EYA2: variants seen among roughly 807,000 people sequenced by gnomAD.
EYA2 encodes the protein EYA transcriptional coactivator and phosphatase 2.
Under a neutral mutation model 69.2 loss-of-function variants are expected in EYA2, and 31 were observed. The observed-to-expected ratio is 0.45, with a 90% CI of 0.34 to 0.60. The LOEUF is 0.60. Ranked by LOEUF, EYA2 falls within the 20% of genes least tolerant of loss-of-function variation. The pLI, the probability that EYA2 is intolerant of heterozygous loss-of-function variation, is 0.02. For missense variants in EYA2, 622 were observed against 701.2 expected (o/e 0.89, Z 1.28); for synonymous variants, 257 against 279.4 (o/e 0.92, Z 0.80).
chr20:47,186,299 T>C (rs902921409), intron 15 of EYA2, among the ~76,000 whole-genome samples: 4 of 151,598 alleles, frequency 2.6e-5, no homozygotes, highest in Non-Finnish European at 4.4e-5. Context: ...GGATTCTCAA[T>C]CTGGGATGCC....
intron 5 of EYA2, among the ~76,000 whole-genome samples, chr20:47,039,702 G>C (rs540334455): frequency 6.6e-6 from 1 of 152,086 alleles, no homozygotes; most frequent in Non-Finnish European, 1.5e-5. Flanking sequence ...AGTGATAAAA[G>C]ACACAGATTG....
Position 47,183,274 on chromosome 20 carries a change from T to C in EYA2, c.1436-17T>C. The C allele has an allele frequency of 6.2e-7, 1 of 1,612,578 alleles. No homozygotes were observed. Among genetic ancestry groups the C allele is most frequent in the Non-Finnish European group, 8.5e-7 (1 of 1,179,486 alleles). On this transcript the variant is annotated splice_polypyrimidine_tract_variant and intron_variant, in intron 14 of 15. Coordinates refer to ENST00000327619, the MANE Select transcript of EYA2 (RefSeq NM_005244.5). ...TCCTCACAGAGCGTTTTTTCTTTCCTTCCTGTGTGCGTGCAGGGAAGGAGA... is the reference window on the plus strand; with the variant it reads ...TCCTCACAGAGCGTTTTTTCTTTCCCTCCTGTGTGCGTGCAGGGAAGGAGA...
In EYA2 at chr20:47,112,862, C is replaced by CTTTTTTTTTTTTTTTT; in HGVS notation, c.888+15706_888+15721dup. On this transcript the variant is annotated intron_variant, in intron 9 of 15. Transcript: ENST00000327619. ...CAAAAGTTAGATTTCATGTTCACTC[C>CTTTTTTTTTTTTTTTT]TTTTTTTTTTTTTTTTTTTTTTTTT... 2.8e-3 allele frequency among the ~76,000 whole-genome samples: 159 copies of CTTTTTTTTTTTTTTTT among 55,834 alleles called. 46 individuals are homozygous for CTTTTTTTTTTTTTTTT. The highest frequency in any genetic ancestry group is 4.3e-3 in the Non-Finnish European group (121 of 28,318). The allele number at this position is 55,834 out of a possible 152,430, so 36.6% of individuals were successfully genotyped here. A position where few individuals can be genotyped will look rare whatever the true frequency, so the allele number is the denominator to read the frequency against.
intron 12 of EYA2, among the ~76,000 whole-genome samples, chr20:47,178,521 CAGG>C (rs2034467987): frequency 6.6e-6 from 1 of 151,850 alleles, no homozygotes; most frequent in Non-Finnish European, 1.5e-5. Flanking sequence ...AAGACAGCGG[CAGG>C]AGATGAAACT....
intron 11 of EYA2, among the ~76,000 whole-genome samples, 197 bp from the exon 12 acceptor site, chr20:47,172,510 C>T (rs763225900): frequency 1.3e-5 from 2 of 152,154 alleles, no homozygotes; most frequent in Non-Finnish European, 2.9e-5. Context: ...GCAAAAGACA[C>T]CACTTTTCTT....
intron 9 of EYA2, among the ~76,000 whole-genome samples, chr20:47,140,498 T>C (rs1328991407): frequency 2.0e-5 from 3 of 152,134 alleles, no homozygotes; most frequent in Non-Finnish European, 4.4e-5. Context: ...ATAATAGAAA[T>C]AATATAGCCT....
At chr20:46,961,931 T>A (rs1979499400) in intron 1 of EYA2, among the ~76,000 whole-genome samples, 3 of 152,240 alleles carry the variant, frequency 2.0e-5, no homozygotes, top group Admixed American at 2.0e-4. Context: ...AGAGGAGGAA[T>A]AAGTTCCAGT....
intron 12 of EYA2, among the ~76,000 whole-genome samples, chr20:47,178,519 G>A (rs571676140): frequency 6.6e-6 from 1 of 152,036 alleles, no homozygotes; most frequent in East Asian, 1.9e-4. Context: ...GAAAGACAGC[G>A]GCAGGAGATG....
At chr20:47,087,825 A>G (rs1455053693) in intron 7 of EYA2, among the ~76,000 whole-genome samples, 1 of 152,206 alleles carries the variant, frequency 6.6e-6, no homozygotes, top group Admixed American at 6.5e-5. Flanking sequence ...AACTCCATTC[A>G]AGTCACCTCC....
intron 1 of EYA2, among the ~76,000 whole-genome samples, chr20:46,941,231 C>G (rs1213153448): frequency 6.6e-6 from 1 of 152,236 alleles, no homozygotes; most frequent in African/African-American, 2.4e-5. Flanking sequence ...GCCATGCACC[C>G]TATCACATCT....
chr20:46,974,438 A>G (rs949574878), intron 1 of EYA2, among the ~76,000 whole-genome samples: 21 of 152,206 alleles, frequency 1.4e-4, no homozygotes, highest in African/African-American at 4.8e-4. Flanking sequence ...GGTCATTGCA[A>G]TGGGCTATGG....
At chr20:47,137,483 G>T (rs1384875360) in intron 9 of EYA2, among the ~76,000 whole-genome samples, 1 of 152,158 alleles carries the variant, frequency 6.6e-6, no homozygotes, top group Non-Finnish European at 1.5e-5. Context: ...GGACTTGAAG[G>T]GGTCAGTGGC....
At chr20:47,138,290 G>T (rs1285707401) in intron 9 of EYA2, among the ~76,000 whole-genome samples, 2 of 151,982 alleles carry the variant, frequency 1.3e-5, no homozygotes, top group Non-Finnish European at 2.9e-5. Context: ...TTGAACAGAG[G>T]TACCACCTAC....
intron 3 of EYA2, among the ~76,000 whole-genome samples, 180 bp downstream of exon 3, chr20:47,001,653 T>C (rs567608635): frequency 6.6e-6 from 1 of 152,182 alleles, no homozygotes; most frequent in African/African-American, 2.4e-5. Flanking sequence ...AGCCCTCCCA[T>C]CTGGGAGCGG....
At chr20:46,929,170 A>AG (rs1212352697) in intron 1 of EYA2, among the ~76,000 whole-genome samples, 5 of 149,954 alleles carry the variant, frequency 3.3e-5, no homozygotes, top group African/African-American at 5.0e-5. Flanking sequence ...AAAAAAAAAA[A>AG]AAGAAGAAAA....
At chr20:46,924,027 G>A (rs1477157180) in intron 1 of EYA2, among the ~76,000 whole-genome samples, 1 of 152,164 alleles carries the variant, frequency 6.6e-6, no homozygotes, top group African/African-American at 2.4e-5. Flanking sequence ...CATCAGGCAA[G>A]CAGTGGCCTC....
At chr20:46,925,268 A>G (rs965595709) in intron 1 of EYA2, among the ~76,000 whole-genome samples, 1 of 152,212 alleles carries the variant, frequency 6.6e-6, no homozygotes, top group African/African-American at 2.4e-5. Context: ...GGCGGAACAC[A>G]ATTCAATCCA....
At chr20:47,183,806 C>T (rs373690448) in intron 15 of EYA2, among the ~76,000 whole-genome samples, 4 of 152,172 alleles carry the variant, frequency 2.6e-5, no homozygotes, top group East Asian at 1.9e-4. Flanking sequence ...ATCTCGGGCC[C>T]GTGAGGAGAG....
chr20:47,117,851 C>G (rs890197692), intron 9 of EYA2, among the ~76,000 whole-genome samples: 8 of 152,224 alleles, frequency 5.3e-5, no homozygotes, highest in African/African-American at 1.9e-4. Context: ...ACAGCTAGAG[C>G]TTTCCATCCT....
Sources: allele counts gnomAD v4.1 joint callset (sites outside exome capture counted in the v4.1 genomes callset), GRCh38; gene constraint gnomAD v4.1.1; transcripts MANE v1.5; gene names NCBI Gene and HGNC (gene_info 2026-07-23, HGNC 2026-07-21).